Variants in ACSS2 observed in about 807,000 individuals in gnomAD.
ACSS2 encodes the protein acetyl-coenzyme A synthetase, cytoplasmic.
In ACSS2, 58 loss-of-function variants were observed where a neutral mutation model predicts 90.6. The ratio of observed to expected loss-of-function variants is 0.64; its 90% confidence interval spans 0.52 to 0.80. The LOEUF (loss-of-function observed/expected upper bound fraction) is 0.80, where lower values mean the gene tolerates loss of function less well. Ranked by LOEUF, ACSS2 falls within the 30% of genes least tolerant of loss-of-function variation. ACSS2 has a pLI of 0.00. For missense variants in ACSS2, 759 were observed against 912.0 expected (o/e 0.83, Z 2.16); for synonymous variants, 300 against 330.9 (o/e 0.91, Z 1.01).
chr20:34,916,520 T>C (rs1445467358), intron 7 of ACSS2, among the ~76,000 whole-genome samples: 1 of 152,188 alleles, frequency 6.6e-6, no homozygotes, highest in Non-Finnish European at 1.5e-5. Context: ...ACTCTTGTAA[T>C]TCTTAATACC....
At chr20:34,875,231 TGGTGGGG>T, upstream of ACSS2, 1 of 528,562 alleles carries the variant, frequency 1.9e-6, no homozygotes, top group Admixed American at 2.0e-5. Flanking sequence ...GTGGTGGTGG[TGGTGGGG>T]GTTTCCCTTG....
intron 1 of ACSS2, among the ~76,000 whole-genome samples, chr20:34,881,482 A>G (rs930623628): frequency 7.9e-5 from 12 of 152,212 alleles, no homozygotes; most frequent in African/African-American, 2.4e-4. Context: ...AAACCCTTCA[A>G]TGAATTTTCA....
chr20:34,884,445 T>C (rs2146972537), intron 2 of ACSS2, among the ~76,000 whole-genome samples: 1 of 152,382 alleles, frequency 6.6e-6, no homozygotes, highest in Admixed American at 6.5e-5. Flanking sequence ...AGACAAGGCA[T>C]TTAACTAAGA....
Position 34,926,196 on chromosome 20 carries a change from G to C in ACSS2, c.1818G>C (p.Val606=). The C allele has an allele frequency of 6.2e-7, 1 of 1,614,188 alleles. No individual in the cohort carries two copies. The highest frequency in any genetic ancestry group is 1.1e-5 in the South Asian group (1 of 91,090). ...EAAVVGHPHP[V]KGECLYCFVT... Reference sequence around the variant, plus strand: ...CTGTGGTGGGCCACCCTCATCCTGTGAAGGGTGAATGCCTCTACTGCTTTG... The same window carrying C: ...CTGTGGTGGGCCACCCTCATCCTGTCAAGGGTGAATGCCTCTACTGCTTTG... The change falls in exon 16 of 18, where the codon GTG becomes GTC. Residue 606 remains valine (V), a synonymous_variant. Transcript: ENST00000360596.
chr20:34,903,271 G>C (rs1014513525), intron 2 of ACSS2, among the ~76,000 whole-genome samples: 2 of 151,390 alleles, frequency 1.3e-5, no homozygotes, highest in African/African-American at 4.9e-5. Context: ...GAACCCGGCA[G>C]GCAGAGGTTG....
chr20:34,915,103 G>A (rs969542983), intron 7 of ACSS2: 3 of 1,117,844 alleles, frequency 2.7e-6, no homozygotes, highest in Admixed American at 1.8e-5. Context: ...GAAAATGGAA[G>A]CTGGGAGGAC....
intron 2 of ACSS2, among the ~76,000 whole-genome samples, chr20:34,897,981 A>G (rs1467113455): frequency 1.3e-5 from 2 of 152,136 alleles, no homozygotes; most frequent in Admixed American, 1.3e-4. Context: ...GTGGACCCTC[A>G]CGGTGAGTGT....
intron 2 of ACSS2, among the ~76,000 whole-genome samples, chr20:34,899,445 T>TCCTC (rs2080584281): frequency 7.1e-6 from 1 of 141,414 alleles, no homozygotes; most frequent in Non-Finnish European, 1.6e-5. Context: ...CTTCCTTCCT[T>TCCTC]CCTTCCTTCC....
At chr20:34,919,334 C>T in intron 7 of ACSS2, 101 bp from the exon 8 acceptor site, 1 of 1,550,290 alleles carries the variant, frequency 6.5e-7, no homozygotes, top group African/African-American at 1.4e-5. Flanking sequence ...TTCCTGTACT[C>T]CTACCTGCCT....
Position 34,912,955 on chromosome 20 carries a change from G to A in ACSS2, c.375-141G>A, listed in dbSNP as rs191761175. The A allele has an allele frequency of 1.2e-3, 862 of 724,206 alleles. 11 individuals carry two copies. Among genetic ancestry groups the A allele is most frequent in the South Asian group, 1.0e-2 (616 of 61,866 alleles). 44.9% of individuals were successfully genotyped at this position (724,206 alleles called of 1,614,324 possible). ...GTCAGCTCAAGATTGGTGATGGCAA[G>A]ATTGATGGTGGGCAGATAGCTCATC... is the stretch of plus-strand genomic sequence containing the variant. On this transcript the variant is annotated intron_variant, in intron 2 of 17. Transcript: ENST00000360596.
chr20:34,877,818 CAAAAAAAAAAAAAAAAA>C (rs60819156), intron 1 of ACSS2, among the ~76,000 whole-genome samples: 2 of 91,222 alleles, frequency 2.2e-5, no homozygotes, highest in African/African-American at 9.6e-5. Context: ...GACTTTGTCT[CAAAAAAAAAAAAAAAAA>C]AAAAAAAAAA....
At chr20:34,911,186 A>ATG (rs1555884500) in intron 2 of ACSS2, among the ~76,000 whole-genome samples, 4 of 130,656 alleles carry the variant, frequency 3.1e-5, no homozygotes, top group Non-Finnish European at 6.3e-5. Context: ...CTCAGCTAAA[A>ATG]TTTTTTTTTT....
intron 1 of ACSS2, among the ~76,000 whole-genome samples, chr20:34,878,037 G>A (rs1406359863): frequency 3.3e-5 from 5 of 152,092 alleles, no homozygotes; most frequent in African/African-American, 1.2e-4. Flanking sequence ...GGGCTCATGC[G>A]ATCTTTCCGC....
At chr20:34,920,283 G>A (rs987467836) in intron 8 of ACSS2, among the ~76,000 whole-genome samples, 13 of 152,180 alleles carry the variant, frequency 8.5e-5, no homozygotes, top group Non-Finnish European at 1.6e-4. Context: ...GAGTGATGTG[G>A]GTGGCTCTGA....
chr20:34,897,132 T>C (rs79105270), intron 2 of ACSS2, among the ~76,000 whole-genome samples: 1 of 152,368 alleles, frequency 6.6e-6, no homozygotes, highest in East Asian at 1.9e-4. Flanking sequence ...AAGGAAGGTT[T>C]GTAAAGATGT....
intron 2 of ACSS2, among the ~76,000 whole-genome samples, chr20:34,895,644 C>T (rs1400449961): frequency 6.6e-6 from 1 of 152,096 alleles, no homozygotes; most frequent in African/African-American, 2.4e-5. Flanking sequence ...TTGTTCATAC[C>T]CTGTCATTGT....
chr20:34,899,399 TTTCC>T (rs1461417179), intron 2 of ACSS2, among the ~76,000 whole-genome samples: 2 of 94,928 alleles, frequency 2.1e-5, no homozygotes, highest in African/African-American at 5.4e-5. Context: ...TCTTTCTTTC[TTTCC>T]TTCTTTCTTT....
chr20:34,920,798 G>A, intron 9 of ACSS2, 89 bp downstream of exon 9: 2 of 1,494,850 alleles, frequency 1.3e-6, no homozygotes, highest in Admixed American at 2.0e-5. Flanking sequence ...TAGAGGGAGG[G>A]GGACTTATAC....
chr20:34,878,187 G>A (rs1263789302), intron 1 of ACSS2, among the ~76,000 whole-genome samples: 3 of 152,124 alleles, frequency 2.0e-5, no homozygotes, highest in African/African-American at 7.2e-5. Context: ...CTCCTTACTT[G>A]GCCTCCCAAA....
Sources: allele counts gnomAD v4.1 joint callset (sites outside exome capture counted in the v4.1 genomes callset), GRCh38; gene constraint gnomAD v4.1.1; transcripts MANE v1.5; gene names NCBI Gene and HGNC (gene_info 2026-07-23, HGNC 2026-07-21).